INSL6: variants seen among roughly 807,000 people sequenced by gnomAD.
INSL6 encodes insulin-like peptide INSL6.
A neutral mutation model predicts 9.4 loss-of-function variants in INSL6; 16 were observed. The observed-to-expected ratio is 1.70, with a 90% confidence interval of 1.15 to 2.59. The LOEUF (loss-of-function observed/expected upper bound fraction) is 2.59, where lower values mean the gene tolerates loss of function less well. Among genes scored for constraint, INSL6 ranks in the 30% most tolerant of loss-of-function variants. The probability of loss-of-function intolerance (pLI) is 0.00; values close to 1 mark genes in which losing one functional copy is unlikely to be tolerated. For synonymous variants in INSL6, 154 were observed against 96.9 expected, an observed-to-expected ratio of 1.59 and a Z score of -3.46; for missense variants, 391 against 257.3, an observed-to-expected ratio of 1.52 and a Z score of -3.56.
At chr9:5,078,790 A>C in the INSL6 span, among the ~76,000 whole-genome samples, 2 of 152,136 alleles carry the variant, frequency 1.3e-5, no homozygotes, top group African/African-American at 2.4e-5. Context: ...ACTAAATAAA[A>C]ATTTAGCCTG....
the INSL6 span, among the ~76,000 whole-genome samples, chr9:5,013,034 A>G: frequency 1.3e-5 from 2 of 152,260 alleles, no homozygotes; most frequent in African/African-American, 4.8e-5. Flanking sequence ...TAAAACTATC[A>G]GTACATATTG....
rs569615730 is a variant in INSL6, at chr9:5,182,451, A to T, written c.289+2863T>A. Among the ~76,000 whole-genome samples, 4 of 152,248 alleles carry T rather than the reference A, an allele frequency of 2.6e-5. No individual in the cohort carries two copies. In the South Asian group the frequency reaches 8.3e-4, roughly 32 times the overall value. On this transcript the variant is annotated intron_variant, in intron 1 of 1. Coordinates refer to ENST00000381641, the MANE Select transcript of INSL6 (RefSeq NM_007179.3). ...TGAGGATAATCACCTTCTGTAAATTATAATTTACTTATGTTAATTGTCTAT... is the reference window on the plus strand; with the variant it reads ...TGAGGATAATCACCTTCTGTAAATTTTAATTTACTTATGTTAATTGTCTAT...
intron 1 of INSL6, among the ~76,000 whole-genome samples, chr9:5,165,055 C>T (rs1334339492): frequency 6.6e-6 from 1 of 152,032 alleles, no homozygotes; most frequent in Non-Finnish European, 1.5e-5. Context: ...TAAAAACACA[C>T]AAAAAATTAG....
chr9:5,059,343 C>G, the INSL6 span, among the ~76,000 whole-genome samples: 1 of 152,174 alleles, frequency 6.6e-6, no homozygotes, highest in East Asian at 1.9e-4. Flanking sequence ...AATCTAGATT[C>G]TTTTAGTTAG....
chr9:5,152,416 C>T (rs191237309), intron 2 of INSL6, among the ~76,000 whole-genome samples: 54 of 152,010 alleles, frequency 3.6e-4, no homozygotes, highest in Admixed American at 3.2e-3. Context: ...CTAGTAAATA[C>T]TGAAACATTA....
chr9:4,993,629 C>T, the INSL6 span, among the ~76,000 whole-genome samples: 2 of 152,206 alleles, frequency 1.3e-5, no homozygotes, highest in Non-Finnish European at 2.9e-5. Context: ...TATCATTTCT[C>T]TCACTTTGCT....
the INSL6 span, among the ~76,000 whole-genome samples, chr9:5,056,138 C>G: frequency 6.6e-6 from 1 of 151,930 alleles, no homozygotes; most frequent in East Asian, 1.9e-4. Context: ...TGTATATGTG[C>G]CAGTTATACT....
At chr9:5,157,379 T>C (rs773766281) in intron 2 of INSL6, among the ~76,000 whole-genome samples, 3 of 152,094 alleles carry the variant, frequency 2.0e-5, no homozygotes, top group South Asian at 2.1e-4. Flanking sequence ...CAAGAAAGTA[T>C]GGTATTGGCA....
chr9:5,052,139 A>G, the INSL6 span, among the ~76,000 whole-genome samples: 3 of 152,220 alleles, frequency 2.0e-5, no homozygotes, highest in South Asian at 4.2e-4. Context: ...TTGAAGATGA[A>G]TGTTATAAAT....
the INSL6 span, chr9:5,081,666 G>A: frequency 3.2e-6 from 4 of 1,265,492 alleles, no homozygotes; most frequent in Non-Finnish European, 4.6e-6. Flanking sequence ...ATGTATATCA[G>A]TTTAGTCCAG....
chr9:5,102,533 T>C, the INSL6 span, among the ~76,000 whole-genome samples: 16 of 152,064 alleles, frequency 1.1e-4, no homozygotes, highest in East Asian at 3.1e-3. Flanking sequence ...ATTCAGGAAA[T>C]ACAGAGAACT....
the INSL6 span, among the ~76,000 whole-genome samples, chr9:5,079,458 T>C: frequency 6.6e-6 from 1 of 151,970 alleles, no homozygotes; most frequent in Non-Finnish European, 1.5e-5. Context: ...TTTGGTGCAA[T>C]TTAGCCTTCC....
the INSL6 span, among the ~76,000 whole-genome samples, chr9:5,092,889 T>A: frequency 6.6e-6 from 1 of 152,158 alleles, no homozygotes; most frequent in African/African-American, 2.4e-5. Flanking sequence ...ACTGTTAATC[T>A]AAAGAGGGAC....
the INSL6 span, among the ~76,000 whole-genome samples, chr9:5,030,843 G>C: frequency 2.0e-5 from 3 of 151,800 alleles, no homozygotes; most frequent in Non-Finnish European, 4.4e-5. Context: ...TTTGCACTGA[G>C]TTCAAAAAAA....
chr9:5,043,147 G>T, the INSL6 span, among the ~76,000 whole-genome samples: 1 of 152,230 alleles, frequency 6.6e-6, no homozygotes, highest in African/African-American at 2.4e-5. Context: ...GTATGTGCAG[G>T]GGGGTCTGCG....
intron 2 of INSL6, among the ~76,000 whole-genome samples, chr9:5,141,543 GT>G (rs936780043): frequency 6.6e-6 from 1 of 151,880 alleles, no homozygotes; most frequent in South Asian, 2.1e-4. Flanking sequence ...ACTTTTTAAT[GT>G]TTTTTCCCTT....
At chr9:5,038,198 T>G in the INSL6 span, among the ~76,000 whole-genome samples, 1 of 152,156 alleles carries the variant, frequency 6.6e-6, no homozygotes, top group Non-Finnish European at 1.5e-5. Context: ...AGGATCAAGA[T>G]GAAATGGACA....
the INSL6 span, among the ~76,000 whole-genome samples, chr9:5,078,136 A>C: frequency 6.6e-6 from 1 of 152,224 alleles, no homozygotes; most frequent in Non-Finnish European, 1.5e-5. Flanking sequence ...TTAAAATGTA[A>C]AACAGGAAGC....
At chr9:5,036,000 A>T in the INSL6 span, among the ~76,000 whole-genome samples, 1 of 152,162 alleles carries the variant, frequency 6.6e-6, no homozygotes, top group African/African-American at 2.4e-5. Context: ...TCAGCCCAAA[A>T]TCTCCTTAAG....
Sources: allele counts gnomAD v4.1 joint callset (sites outside exome capture counted in the v4.1 genomes callset), GRCh38; gene constraint gnomAD v4.1.1; transcripts MANE v1.5; gene names NCBI Gene and HGNC (gene_info 2026-07-23, HGNC 2026-07-21).